PRKG1: variants seen among roughly 807,000 people sequenced by gnomAD.
PRKG1 encodes protein kinase cGMP-dependent 1.
PRKG1 carries 35 observed loss-of-function variants against 88.1 expected under a neutral mutation model. The ratio of observed to expected loss-of-function variants is 0.40; its 90% CI spans 0.30 to 0.53. The LOEUF (loss-of-function observed/expected upper bound fraction) is 0.53, where lower values mean the gene tolerates loss of function less well. Ranked by LOEUF, PRKG1 falls within the 20% of genes least tolerant of loss-of-function variation. The probability of loss-of-function intolerance (pLI) is 0.59; values close to 1 mark genes in which losing one functional copy is unlikely to be tolerated. For synonymous variants in PRKG1, 303 were observed against 292.5 expected (o/e 1.04, Z -0.37); for missense variants, 540 against 839.8 (o/e 0.64, Z 4.41).
chr10:51,842,101 C>T (rs1249256736), intron 4 of PRKG1, among the ~76,000 whole-genome samples: 1 of 152,170 alleles, frequency 6.6e-6, no homozygotes, highest in African/African-American at 2.4e-5. Context: ...AGTTGGATTC[C>T]CTCGCTGGCT....
chr10:51,676,709 T>TGACA (rs1840720226), intron 3 of PRKG1, among the ~76,000 whole-genome samples: 1 of 152,192 alleles, frequency 6.6e-6, no homozygotes, highest in Admixed American at 6.5e-5. Flanking sequence ...GTTGTGTTGT[T>TGACA]TTCCATGGTC....
chr10:51,864,676 C>T (rs1455488681), intron 4 of PRKG1, among the ~76,000 whole-genome samples: 2 of 152,160 alleles, frequency 1.3e-5, no homozygotes, highest in African/African-American at 2.4e-5. Flanking sequence ...GGTATTATGA[C>T]ATGTTGGTGT....
chr10:51,058,510 T>A (rs1178568903), intron 1 of PRKG1, among the ~76,000 whole-genome samples: 1 of 152,114 alleles, frequency 6.6e-6, no homozygotes, highest in Non-Finnish European at 1.5e-5. Flanking sequence ...TTTGTTACAA[T>A]CAATTAACCT....
At chr10:52,022,884 T>TA (rs1222844914) in intron 5 of PRKG1, among the ~76,000 whole-genome samples, 1 of 152,158 alleles carries the variant, frequency 6.6e-6, no homozygotes, top group African/African-American at 2.4e-5. Context: ...ATTATTACTA[T>TA]AAAAATGCAG....
At chr10:52,224,897 G>C (rs971508416) in intron 9 of PRKG1, among the ~76,000 whole-genome samples, 7 of 148,668 alleles carry the variant, frequency 4.7e-5, no homozygotes, top group African/African-American at 1.7e-4. Context: ...ATGGGCATTT[G>C]GGTTGGTTCC....
At chr10:52,168,721 C>G (rs1056803623) in intron 9 of PRKG1, among the ~76,000 whole-genome samples, 21 of 150,176 alleles carry the variant, frequency 1.4e-4, no homozygotes, top group African/African-American at 4.9e-4. Context: ...AAAAAAAAAG[C>G]ATTTGAGAGA....
At chr10:51,553,883 GTGTATATAATATATGTATGTATTAGA>G (rs1837213875) in intron 3 of PRKG1, among the ~76,000 whole-genome samples, 1 of 121,278 alleles carries the variant, frequency 8.2e-6, no homozygotes, top group African/African-American at 3.2e-5. Context: ...TATTAGATAC[GTGTATATAATATATGTATGTATTAGA>G]TACGTGTATA....
intron 4 of PRKG1, among the ~76,000 whole-genome samples, chr10:51,840,694 G>T (rs1186920232): frequency 6.6e-6 from 1 of 152,032 alleles, no homozygotes; most frequent in East Asian, 1.9e-4. Flanking sequence ...TTACAGGTGT[G>T]CACCGCCATG....
chr10:51,143,723 A>T (rs549269513), intron 1 of PRKG1, among the ~76,000 whole-genome samples: 20 of 152,216 alleles, frequency 1.3e-4, no homozygotes, highest in African/African-American at 4.8e-4. Context: ...AAGATGCGTG[A>T]CACTGAGCAT....
intron 1 of PRKG1, among the ~76,000 whole-genome samples, chr10:51,077,879 C>G (rs1378672565): frequency 6.6e-6 from 1 of 151,998 alleles, no homozygotes; most frequent in Non-Finnish European, 1.5e-5. Context: ...GCAAATAAAC[C>G]CTTAAAATGA....
intron 9 of PRKG1, among the ~76,000 whole-genome samples, chr10:52,240,571 T>C (rs1485900316): frequency 6.6e-6 from 1 of 152,164 alleles, no homozygotes; most frequent in Non-Finnish European, 1.5e-5. Flanking sequence ...ATTCAGTTTT[T>C]TGGCAGCATC....
At chr10:51,439,141 T>A (rs1427656062) in intron 2 of PRKG1, among the ~76,000 whole-genome samples, 2 of 151,826 alleles carry the variant, frequency 1.3e-5, no homozygotes, top group Admixed American at 1.3e-4. Flanking sequence ...TACGAACATG[T>A]CATGACTTTG....
intron 2 of PRKG1, among the ~76,000 whole-genome samples, chr10:51,221,382 CA>C (rs1838524577): frequency 6.6e-6 from 1 of 151,816 alleles, no homozygotes; most frequent in Non-Finnish European, 1.5e-5. Flanking sequence ...TCTATGATAT[CA>C]AAATATATAT....
intron 3 of PRKG1, among the ~76,000 whole-genome samples, chr10:51,725,479 C>T (rs750320689): frequency 1.3e-5 from 2 of 151,594 alleles, no homozygotes; most frequent in Non-Finnish European, 2.9e-5. Context: ...TTGTTTCCAC[C>T]AAATTTGTGG....
intron 4 of PRKG1, among the ~76,000 whole-genome samples, chr10:51,872,090 T>C (rs1027239856): frequency 3.4e-4 from 52 of 152,176 alleles, no homozygotes; most frequent in African/African-American, 1.2e-3. Context: ...TTCATTTGTT[T>C]TGCGTACTTC....
At chr10:51,907,816 G>A (rs1248565936) in intron 5 of PRKG1, 1 of 390,248 alleles carries the variant, frequency 2.6e-6, no homozygotes, top group Non-Finnish European at 4.5e-6. Context: ...TAAATACCAT[G>A]TTACTTTGAC....
At chr10:51,456,388 A>G (rs1839586327) in intron 2 of PRKG1, among the ~76,000 whole-genome samples, 1 of 152,212 alleles carries the variant, frequency 6.6e-6, no homozygotes, top group South Asian at 2.1e-4. Flanking sequence ...GTCAAGCCAC[A>G]TATGGAAGAA....
rs12243534 is a variant in PRKG1 at position 52,245,156 on chromosome 10, C to T, written c.1077-6414C>T. 7.2e-3 allele frequency among the ~76,000 whole-genome samples: 1,086 copies of T among 151,744 alleles called. 16 individuals carry two copies. The highest frequency in any genetic ancestry group is 0.024 in the African/African-American group (1,011 of 41,442). ...GGCCAGCATTATATTTTGGATATAT[C>T]ATAGACCAGATCTATATATTTTGGG... On this transcript the variant is annotated intron_variant, in intron 9 of 17. Coordinates refer to ENST00000373980, the MANE Select transcript of PRKG1 (RefSeq NM_006258.4).
intron 2 of PRKG1, among the ~76,000 whole-genome samples, chr10:51,439,011 T>TAA (rs200939677): frequency 7.3e-6 from 1 of 137,734 alleles, no homozygotes; most frequent in Non-Finnish European, 1.7e-5. Context: ...ATTTTTTTTT[T>TAA]TAAAAAAAAA....
Sources: gnomAD v4.1 joint callset for allele counts (sites outside exome capture counted in the v4.1 genomes callset) on GRCh38, gnomAD v4.1.1 for gene constraint, MANE v1.5 for transcripts, NCBI Gene and HGNC (gene_info 2026-07-23, HGNC 2026-07-21) for gene names.